The following SAMD4B variants were observed in gnomAD, a reference collection of about 807,000 sequenced individuals.
SAMD4B encodes the protein protein Smaug homolog 2.
A neutral mutation model predicts 74.5 loss-of-function variants in SAMD4B; 5 were observed. That is an observed-to-expected ratio of 0.07 (90% CI 0.04 to 0.14). SAMD4B has a LOEUF of 0.14. Among genes scored for constraint, SAMD4B ranks in the 10% least tolerant of loss-of-function variants. The pLI, the probability that SAMD4B is intolerant of heterozygous loss-of-function variation, is 1.00. For synonymous variants in SAMD4B, 373 were observed against 374.9 expected, an observed-to-expected ratio of 1.00 and a Z score of 0.06; for missense variants, 608 against 921.8, an observed-to-expected ratio of 0.66 and a Z score of 4.41.
intron 3 of SAMD4B, among the ~76,000 whole-genome samples, chr19:39,367,473 A>T (rs1028391470): frequency 2.0e-5 from 3 of 148,444 alleles, no homozygotes. Context: ...TTAGCTAGTC[A>T]CAGAAGTGCT....
intron 10 of SAMD4B, 22 bp downstream of exon 10, chr19:39,380,106 A>G (rs199696798): frequency 1.3e-6 from 2 of 1,581,764 alleles, no homozygotes; most frequent in African/African-American, 1.3e-5. Flanking sequence ...GCCAGGTTAC[A>G]GGGACCTGCC....
chr19:39,390,017 C>T, downstream of SAMD4B: 2 of 1,439,638 alleles, frequency 1.4e-6, no homozygotes, highest in East Asian at 2.3e-5. Context: ...ACAAGCAGTC[C>T]CTGCCTTCAA....
Position 39,369,449 on chromosome 19 carries a change from T to A in SAMD4B, c.197-206T>A, listed in dbSNP as rs2077162277. On this transcript the variant is annotated intron_variant, in intron 3 of 13. Transcript: ENST00000610417. Reference sequence around the variant, plus strand: ...GGCAACATAGTGAGACCCCATCTCTTAAAAAAAATAAGACAAAAATTACTC... The same window carrying A: ...GGCAACATAGTGAGACCCCATCTCTAAAAAAAAATAAGACAAAAATTACTC... 5.2e-6 allele frequency: 3 copies of A among 579,860 alleles called. No individual in the cohort carries two copies. In the Admixed American group the frequency reaches 9.3e-5, roughly 18 times the overall value. The allele number at this position is 579,860 out of a possible 1,614,324, so 35.9% of individuals were successfully genotyped here.
At chr19:39,344,708 C>G (rs1337631537) in intron 1 of SAMD4B, among the ~76,000 whole-genome samples, 1 of 152,206 alleles carries the variant, frequency 6.6e-6, no homozygotes, top group Non-Finnish European at 1.5e-5. Context: ...CCCCAACATT[C>G]TCCAGACTCG....
chr19:39,377,648 C>T lies in SAMD4B; in HGVS notation c.1268C>T (p.Ala423Val), dbSNP rs748734843. Residue 423 changes from alanine to valine, a missense_variant, in exon 8 of 14, where the codon GCT becomes GTT. Ala to Val is a moderately conservative substitution (Grantham distance 64). Around this residue, in one of 9 missense-constraint regions of SAMD4B, gnomAD observed 99 missense variants for 112.1 expected, o/e 0.88. Transcript: ENST00000610417. Reference sequence around the variant, plus strand: ...CCGGGGGAACCACCGCTGCCAGGTGCTGAGCCTCCCCTAGCCCACCCCGGC... The same window carrying T: ...CCGGGGGAACCACCGCTGCCAGGTGTTGAGCCTCCCCTAGCCCACCCCGGC... ...GAPGEPPLPGAEPPLAHPGTD... is the reference protein window; with the variant it reads ...GAPGEPPLPGVEPPLAHPGTD... 3 of 1,614,064 alleles carry T rather than the reference C, an allele frequency of 1.9e-6. No homozygotes were observed. The East Asian group carries it at 6.7e-5, about 36-fold the overall frequency.
At chr19:39,372,693 C>T (rs2077377608) in intron 4 of SAMD4B, among the ~76,000 whole-genome samples, 1 of 152,120 alleles carries the variant, frequency 6.6e-6, no homozygotes, top group African/African-American at 2.4e-5. Flanking sequence ...CAGGGCTCCT[C>T]AGGAACTGCA....
intron 1 of SAMD4B, among the ~76,000 whole-genome samples, chr19:39,344,977 T>C (rs2075606207): frequency 6.6e-6 from 1 of 152,140 alleles, no homozygotes; most frequent in African/African-American, 2.4e-5. Flanking sequence ...CCTTCCCCTA[T>C]AGCAGTGGTT....
chr19:39,381,349 T>G lies in SAMD4B; in HGVS notation c.1972+236T>G, dbSNP rs369198201. 3 of 470,060 alleles carry G rather than the reference T, an allele frequency of 6.4e-6. 1 individual carries two copies. Among genetic ancestry groups the G allele is most frequent in the African/African-American group, 5.9e-5 (3 of 50,718 alleles). 29.1% of individuals were successfully genotyped at this position (470,060 alleles called of 1,614,324 possible). A position where few individuals can be genotyped will look rare whatever the true frequency, so the allele number is the denominator to read the frequency against. ...TGAGTCATCATCTCTCACCCCTTACTCCTACCCCATCTCATGTTTCCCACC... is the reference window on the plus strand; with the variant it reads ...TGAGTCATCATCTCTCACCCCTTACGCCTACCCCATCTCATGTTTCCCACC... On this transcript the variant is annotated intron_variant, in intron 12 of 13. Coordinates refer to ENST00000610417, the MANE Select transcript of SAMD4B (RefSeq NM_001384574.2).
intron 1 of SAMD4B, chr19:39,352,475 GCTCCTCTTTA>G (rs2076095861): frequency 6.8e-6 from 1 of 147,456 alleles, no homozygotes; most frequent in South Asian, 2.1e-4. Context: ...CAGATATCTG[GCTCCTCTTTA>G]GGGGAAAAAA....
intron 10 of SAMD4B, among the ~76,000 whole-genome samples, 157 bp from the exon 11 acceptor site, chr19:39,380,430 C>T (rs2077893135): frequency 6.6e-6 from 1 of 152,216 alleles, no homozygotes; most frequent in Non-Finnish European, 1.5e-5. Context: ...TGTCCCATCT[C>T]CTTCCAGGGG....
chr19:39,348,722 CAG>C lies in SAMD4B; in HGVS notation c.-266-5281_-266-5280del, dbSNP rs557714848. ...CTCACTTTGGTTTCTGGGAGGAAAA[CAG>C]AGGGTCAGGACAGAATCAGGAAGGA... On this transcript the variant is annotated intron_variant, in intron 1 of 13. Transcript: ENST00000610417. Among the ~76,000 whole-genome samples the C allele has an allele frequency of 1.5e-3, 225 of 152,218 alleles. 1 individual carries two copies. Among genetic ancestry groups the C allele is most frequent in the African/African-American group, 5.1e-3 (212 of 41,516 alleles).
intron 1 of SAMD4B, among the ~76,000 whole-genome samples, chr19:39,348,801 G>GT (rs1487181269): frequency 6.6e-6 from 1 of 152,144 alleles, no homozygotes; most frequent in Non-Finnish European, 1.5e-5. Context: ...CATGAATGTG[G>GT]TGGTGGTGGT....
At chr19:39,367,455 C>T (rs189255942) in intron 3 of SAMD4B, among the ~76,000 whole-genome samples, 36 of 151,928 alleles carry the variant, frequency 2.4e-4, no homozygotes, top group African/African-American at 8.0e-4. Flanking sequence ...CTCCATCTTC[C>T]ACCCTGTTTA....
chr19:39,376,360 T>C (rs2077597560), intron 5 of SAMD4B, 77 bp from the exon 6 acceptor site: 1 of 1,242,296 alleles, frequency 8.0e-7, no homozygotes, highest in Non-Finnish European at 1.2e-6. Context: ...TCCTGTGGGT[T>C]TATCCCCACA....
intron 3 of SAMD4B, among the ~76,000 whole-genome samples, chr19:39,358,315 G>A (rs1292602776): frequency 6.6e-6 from 1 of 152,210 alleles, no homozygotes; most frequent in South Asian, 2.1e-4. Flanking sequence ...TGGCTCTCAA[G>A]TCAGACTGTC....
At chr19:39,376,335 G>T in intron 5 of SAMD4B, 102 bp from the exon 6 acceptor site, 13 of 873,648 alleles carry the variant, frequency 1.5e-5, no homozygotes, top group Admixed American at 1.2e-4. Context: ...CCAATTTTTT[G>T]CATCTTTTGA....
downstream of SAMD4B, chr19:39,387,294 T>TA (rs1337653606): frequency 1.9e-5 from 6 of 314,250 alleles, no homozygotes; most frequent in African/African-American, 4.2e-5. Context: ...ATAGTAAAGA[T>TA]ACGGTATTCT....
intron 1 of SAMD4B, among the ~76,000 whole-genome samples, chr19:39,345,190 G>A (rs1235616824): frequency 6.6e-6 from 1 of 152,114 alleles, no homozygotes; most frequent in East Asian, 1.9e-4. Context: ...CTCACTAAAA[G>A]CCCCCTGAAA....
chr19:39,388,795 G>T (rs1191178420), downstream of SAMD4B: 1 of 1,614,020 alleles, frequency 6.2e-7, no homozygotes, highest in Non-Finnish European at 8.5e-7. Flanking sequence ...CTCCAACGCA[G>T]CTGCACCACT....
Sources: allele counts gnomAD v4.1 joint callset (sites outside exome capture counted in the v4.1 genomes callset), GRCh38; gene constraint gnomAD v4.1.1; regional missense constraint gnomAD v4.1.1; transcripts MANE v1.5; gene names NCBI Gene and HGNC (gene_info 2026-07-23, HGNC 2026-07-21).